The following HAGH variants were observed in gnomAD, a reference collection of about 807,000 sequenced individuals.
HAGH encodes the protein hydroxyacylglutathione hydrolase.
Under a neutral mutation model 35.1 loss-of-function variants are expected in HAGH, and 29 were observed. The ratio of observed to expected loss-of-function variants is 0.83; its 90% CI spans 0.62 to 1.13. The LOEUF (loss-of-function observed/expected upper bound fraction) is 1.13. Ranked by LOEUF, HAGH falls within the 50% of genes most tolerant of loss-of-function variation. The pLI, the probability that HAGH is intolerant of heterozygous loss-of-function variation, is 0.00. For synonymous variants in HAGH, 225 were observed against 176.1 expected (o/e 1.28, Z -2.20); for missense variants, 478 against 419.6 (o/e 1.14, Z -1.22).
At position 1,823,043 on chromosome 16, in the gene HAGH, G is replaced by A. The variant is rs1359908885; in HGVS notation, c.77-6C>T. ...AACTCCCAGCAGGGCTGGACCTGCA[G>A]ACACAGAGCACAACTCAGCGGGCAG... On this transcript the variant is annotated splice_polypyrimidine_tract_variant and splice_region_variant and intron_variant, in intron 1 of 8. Transcript: ENST00000397356. The A allele has an allele frequency of 2.5e-6, 4 of 1,613,152 alleles. No homozygotes were observed. Among genetic ancestry groups the A allele is most frequent in the Non-Finnish European group, 2.5e-6 (3 of 1,179,950 alleles).
intron 1 of HAGH, among the ~76,000 whole-genome samples, chr16:1,823,953 G>A (rs1244809189): frequency 6.6e-6 from 1 of 152,016 alleles, no homozygotes; most frequent in Admixed American, 6.6e-5. Context: ...TCACACCCCG[G>A]ACTCAGGGAC....
chr16:1,811,763 A>G (rs1243567240), intron 7 of HAGH, among the ~76,000 whole-genome samples: 1 of 152,212 alleles, frequency 6.6e-6, no homozygotes, highest in Admixed American at 6.5e-5. Context: ...AGCACAGCTC[A>G]GAAGAGCTCC....
In HAGH at chr16:1,809,511, C is replaced by T. The variant is rs915223921; in HGVS notation, c.828-129G>A. 31 of 736,726 alleles carry T rather than the reference C, an allele frequency of 4.2e-5. No individual in the cohort carries two copies. In the Admixed American group the frequency reaches 4.4e-4, roughly 10 times the overall value. 45.6% of individuals were successfully genotyped at this position (736,726 alleles called of 1,614,324 possible). ...TCAGAGGACACGGAGGGCGGGGAGG[C>T]GGCAGCCACTCCCCTTCTGACAGGT... On this transcript the variant is annotated intron_variant, in intron 8 of 8. Transcript: ENST00000397356.
chr16:1,824,054 C>A (rs537969222), intron 1 of HAGH, among the ~76,000 whole-genome samples: 1 of 152,186 alleles, frequency 6.6e-6, no homozygotes, highest in South Asian at 2.1e-4. Context: ...ACTAAGCGAG[C>A]CTGCGTTCCA....
At chr16:1,810,144 A>G in intron 7 of HAGH, 1 of 294,928 alleles carries the variant, frequency 3.4e-6, no homozygotes, top group African/African-American at 2.8e-5. Context: ...CCTGGGTGAC[A>G]GCGACATCAC....
At chr16:1,817,856 C>G (rs1897978215) in intron 5 of HAGH, among the ~76,000 whole-genome samples, 2 of 152,234 alleles carry the variant, frequency 1.3e-5, no homozygotes, top group African/African-American at 4.8e-5. Flanking sequence ...CCTGGCCTCG[C>G]TGACCTCACG....
At chr16:1,809,637 T>C (rs2076449) in intron 8 of HAGH, 117 bp downstream of exon 8, 669,860 of 803,630 alleles carry the variant, frequency 0.83, 279,729 homozygotes, top group Middle Eastern at 0.88. Flanking sequence ...GCTGCACCTG[T>C]GACAGCTCCC....
At chr16:1,822,158 G>C in intron 3 of HAGH, 142 bp downstream of exon 3, 1 of 647,874 alleles carries the variant, frequency 1.5e-6, no homozygotes, top group Non-Finnish European at 2.8e-6. Context: ...GGTGAGTCCC[G>C]GGTCTTTCTC....
chr16:1,813,730 A>C (rs1437305819), intron 7 of HAGH, among the ~76,000 whole-genome samples: 2 of 152,240 alleles, frequency 1.3e-5, no homozygotes, highest in African/African-American at 2.4e-5. Context: ...CGGAAATGTA[A>C]AAGGCTTAAA....
rs1898449636 is a variant in HAGH at position 1,826,712 on chromosome 16, C to T, written c.76G>A (p.Gly26Ser). ...LGAACARRGLGPALLGVFCHT... is the reference protein window; with the variant it reads ...LGAACARRGLSPALLGVFCHT... The stretch of plus-strand genomic sequence containing the variant: ...GCCCGCACCGCCCCGCCGCACCCAC[C>T]GAGGCCTCGGCGGGCGCAGGCGGCT... Residue 26 changes from glycine to serine, a missense_variant and splice_region_variant, in exon 1 of 9, where the codon GGT (glycine) becomes AGT (serine). Transcript: ENST00000397356. 5.4e-6 allele frequency: 6 copies of T among 1,112,348 alleles called. No individual in the cohort carries two copies. The South Asian group carries it at 2.6e-4, about 47-fold the overall frequency. The allele number at this position is 1,112,348 out of a possible 1,614,324, so 68.9% of individuals were successfully genotyped here. A position where few individuals can be genotyped will look rare whatever the true frequency, so the allele number is the denominator to read the frequency against.
intron 1 of HAGH, among the ~76,000 whole-genome samples, chr16:1,824,761 TCC>T (rs1898319652): frequency 2.0e-5 from 3 of 152,110 alleles, no homozygotes; most frequent in Admixed American, 1.3e-4. Flanking sequence ...CACAAAGATA[TCC>T]TATTACCCGC....
At chr16:1,824,233 AAC>A (rs60811933) in intron 1 of HAGH, among the ~76,000 whole-genome samples, 4,945 of 151,158 alleles carry the variant, frequency 0.033, 257 homozygotes, top group African/African-American at 0.11. Context: ...AAAAAAAAAA[AAC>A]AAACAAACAA....
In HAGH at chr16:1,808,069, G is replaced by A. The variant is rs546186031; in HGVS notation, c.*1214C>T. ...AAATGTTTCAGAACACGCGAGAGGC[G>A]GCTGCAGCATTGTGAATGGACTAAA... On this transcript the variant is annotated 3_prime_UTR_variant, in exon 9 of 9. Transcript: ENST00000397356. 27 of 152,286 alleles carry A rather than the reference G, an allele frequency of 1.8e-4. No homozygotes were observed. Among genetic ancestry groups the A allele is most frequent in the East Asian group, 9.6e-4 (5 of 5,186 alleles). 9.4% of individuals were successfully genotyped at this position (152,286 alleles called of 1,614,324 possible). A position where few individuals can be genotyped will look rare whatever the true frequency, so the allele number is the denominator to read the frequency against.
chr16:1,817,708 G>A (rs372700421), intron 5 of HAGH, among the ~76,000 whole-genome samples: 14 of 152,274 alleles, frequency 9.2e-5, no homozygotes, highest in South Asian at 4.1e-4. Context: ...CACCCATGGC[G>A]GAAGATGCGG....
intron 3 of HAGH, 36 bp downstream of exon 3, chr16:1,822,264 C>T: frequency 6.9e-7 from 1 of 1,451,406 alleles, no homozygotes; most frequent in Non-Finnish European, 9.7e-7. Flanking sequence ...AGAAGTGAGC[C>T]AGGTCCCACA....
At chr16:1,818,769 G>A (rs1234641242) in intron 5 of HAGH, 2 of 254,848 alleles carry the variant, frequency 7.8e-6, no homozygotes, top group East Asian at 2.0e-4. Flanking sequence ...ACAGGTCCCT[G>A]AGTCCACACT....
chr16:1,811,130 T>C (rs1897629455), intron 7 of HAGH, among the ~76,000 whole-genome samples: 2 of 152,218 alleles, frequency 1.3e-5, no homozygotes, highest in Admixed American at 1.3e-4. Context: ...ATAAGGTCAG[T>C]CAGCCGAGCG....
intron 7 of HAGH, 94 bp from the exon 8 acceptor site, chr16:1,809,927 G>A: frequency 1.1e-6 from 1 of 896,552 alleles, no homozygotes; most frequent in South Asian, 1.4e-5. Flanking sequence ...ACTTTGGGAG[G>A]CTAAGGCAGA....
At chr16:1,822,471 C>A in intron 2 of HAGH, 107 bp from the exon 3 acceptor site, 1 of 874,440 alleles carries the variant, frequency 1.1e-6, no homozygotes, top group South Asian at 1.3e-5. Flanking sequence ...CATGAGGGGC[C>A]GCTGACATGG....
Sources: allele counts gnomAD v4.1 joint callset (sites outside exome capture counted in the v4.1 genomes callset), GRCh38; gene constraint gnomAD v4.1.1; transcripts MANE v1.5; gene names NCBI Gene and HGNC (gene_info 2026-07-23, HGNC 2026-07-21).